ANKRD30A: variants seen among roughly 807,000 people sequenced by gnomAD.
ANKRD30A encodes ankyrin repeat domain 30A.
A neutral mutation model predicts 166.3 loss-of-function variants in ANKRD30A; 170 were observed. That is an observed-to-expected ratio of 1.02 (90% CI 0.90 to 1.16). The LOEUF (loss-of-function observed/expected upper bound fraction) is 1.16. ANKRD30A is among the 50% of genes most tolerant of loss of function. The probability of loss-of-function intolerance (pLI) is 0.00; values close to 1 mark genes in which losing one functional copy is unlikely to be tolerated. For synonymous variants in ANKRD30A, 564 were observed against 508.9 expected (o/e 1.11, Z -1.46); for missense variants, 1,630 against 1,518.0 (o/e 1.07, Z -1.23).
chr10:37,203,071 T>C (rs557242827), intron 31 of ANKRD30A, among the ~76,000 whole-genome samples: 24 of 152,280 alleles, frequency 1.6e-4, no homozygotes, highest in African/African-American at 5.5e-4. Flanking sequence ...GAGGAGCTGA[T>C]ACCATTCCTT....
At chr10:37,150,700 T>C (rs1371959966) in intron 11 of ANKRD30A, among the ~76,000 whole-genome samples, 1 of 152,104 alleles carries the variant, frequency 6.6e-6, no homozygotes, top group African/African-American at 2.4e-5. Context: ...TAATATTAGG[T>C]TGTTTATAAA....
chr10:37,179,600 T>A (rs1840046831), intron 24 of ANKRD30A, among the ~76,000 whole-genome samples: 2 of 149,210 alleles, frequency 1.3e-5, no homozygotes, highest in Non-Finnish European at 3.0e-5. Context: ...TTCATAACAC[T>A]TTTTCTGATG....
At chr10:37,164,508 T>C (rs2486121) in intron 17 of ANKRD30A, among the ~76,000 whole-genome samples, 48 of 152,192 alleles carry the variant, frequency 3.2e-4, no homozygotes, top group African/African-American at 8.9e-4. Flanking sequence ...TTAATTTATA[T>C]GCAATAAAAT....
At chr10:37,215,666 C>A (rs576110661) in intron 31 of ANKRD30A, among the ~76,000 whole-genome samples, 1 of 151,462 alleles carries the variant, frequency 6.6e-6, no homozygotes, top group South Asian at 2.1e-4. Flanking sequence ...TGCCTAATGT[C>A]CACTGTCTAA....
At chr10:37,193,374 G>A (rs1357645032) in intron 27 of ANKRD30A, 116 bp downstream of exon 27, 15 of 1,277,702 alleles carry the variant, frequency 1.2e-5, no homozygotes, top group Middle Eastern at 2.6e-4. Flanking sequence ...GGGAAATTTC[G>A]ATACAAATAA....
chr10:37,247,457 G>T, the ANKRD30A span, among the ~76,000 whole-genome samples: 1 of 151,938 alleles, frequency 6.6e-6, no homozygotes, highest in African/African-American at 2.4e-5. Flanking sequence ...GGTGTTCTGG[G>T]GCATTGTGAA....
rs1279443112 is a variant in ANKRD30A, at chr10:37,203,763, AAGCTGATATAAGCAGCATC to A, written c.2869+2442_2869+2460del. On this transcript the variant is annotated intron_variant, in intron 31 of 35. Coordinates refer to ENST00000361713, the MANE Select transcript of ANKRD30A (RefSeq NM_052997.3). ...CATTGTCTCAGCCCGAAATCTTCTTAAGCTGATATAAGCAGCATCAGCAAAGTCTCAGGATACATAATAA... is the reference window on the plus strand; with the variant it reads ...CATTGTCTCAGCCCGAAATCTTCTTAAGCAAAGTCTCAGGATACATAATAA... Among the ~76,000 whole-genome samples, 7 of 152,220 alleles carry A rather than the reference AAGCTGATATAAGCAGCATC, an allele frequency of 4.6e-5. No homozygotes were observed. The East Asian group carries it at 9.6e-4, about 21-fold the overall frequency.
At chr10:37,159,083 T>G (rs558589089) in intron 15 of ANKRD30A, among the ~76,000 whole-genome samples, 5 of 152,344 alleles carry the variant, frequency 3.3e-5, no homozygotes, top group South Asian at 4.1e-4. Context: ...ACTTGATGAC[T>G]CTTTGCTAGA....
chr10:37,139,113 A>G (rs1222092040), intron 6 of ANKRD30A, among the ~76,000 whole-genome samples: 1 of 152,234 alleles, frequency 6.6e-6, no homozygotes, highest in Non-Finnish European at 1.5e-5. Flanking sequence ...AGAATTTCAT[A>G]TCCAGCCAAA....
chr10:37,262,979 A>G, the ANKRD30A span, among the ~76,000 whole-genome samples: 1 of 151,356 alleles, frequency 6.6e-6, no homozygotes, highest in Non-Finnish European at 1.5e-5. Context: ...CTTTGTTATT[A>G]AAAAAAATTA....
the ANKRD30A span, chr10:37,241,269 A>C: frequency 6.6e-6 from 1 of 151,332 alleles, no homozygotes; most frequent in Non-Finnish European, 1.5e-5. Flanking sequence ...CATCAGAAAA[A>C]AAAGGTACTA....
chr10:37,261,264 T>C, the ANKRD30A span, among the ~76,000 whole-genome samples: 1 of 152,166 alleles, frequency 6.6e-6, no homozygotes, highest in Admixed American at 6.5e-5. Flanking sequence ...ACAGGAAAAC[T>C]GAAGCTTTGA....
intron 31 of ANKRD30A, among the ~76,000 whole-genome samples, chr10:37,211,205 T>A (rs2132719807): frequency 6.6e-6 from 1 of 152,160 alleles, no homozygotes; most frequent in Middle Eastern, 3.4e-3. Flanking sequence ...GTTAGTTACA[T>A]ATGTATACAT....
downstream of ANKRD30A, among the ~76,000 whole-genome samples, chr10:37,234,268 T>G (rs887563367): frequency 6.6e-6 from 1 of 152,218 alleles, no homozygotes; most frequent in African/African-American, 2.4e-5. Flanking sequence ...TGCTTTGTTC[T>G]ATATATGAGA....
At chr10:37,202,135 G>C (rs1277026661) in intron 31 of ANKRD30A, among the ~76,000 whole-genome samples, 1 of 152,092 alleles carries the variant, frequency 6.6e-6, no homozygotes, top group East Asian at 1.9e-4. Flanking sequence ...GGTCAGGACA[G>C]AAAAGGGTCA....
the ANKRD30A span, chr10:37,264,569 C>A: frequency 4.3e-6 from 2 of 464,682 alleles, no homozygotes; most frequent in South Asian, 4.3e-5. Context: ...GCTGACCAGT[C>A]TGGTGTTCTT....
chr10:37,179,428 G>C (rs1196421393), intron 24 of ANKRD30A, among the ~76,000 whole-genome samples: 1 of 150,892 alleles, frequency 6.6e-6, no homozygotes, highest in African/African-American at 2.4e-5. Flanking sequence ...TGCATGAGTG[G>C]ATTAAGAGAT....
At chr10:37,126,041 A>C in intron 1 of ANKRD30A, 33 bp downstream of exon 1, 3 of 1,178,532 alleles carry the variant, frequency 2.5e-6, no homozygotes, top group Admixed American at 1.9e-5. Context: ...GGGCTGCAGG[A>C]GGAGGTGGGG....
At chr10:37,246,517 C>A in the ANKRD30A span, among the ~76,000 whole-genome samples, 1 of 152,192 alleles carries the variant, frequency 6.6e-6, no homozygotes, top group Admixed American at 6.5e-5. Context: ...CAAACTATTT[C>A]TTTGCATTTT....
Sources: allele counts gnomAD v4.1 joint callset (sites outside exome capture counted in the v4.1 genomes callset), GRCh38; gene constraint gnomAD v4.1.1; transcripts MANE v1.5; gene names NCBI Gene and HGNC (gene_info 2026-07-23, HGNC 2026-07-21).